The following SUPT20H variants were observed in gnomAD, a reference collection of about 807,000 sequenced individuals.
SUPT20H encodes the protein SPT20 homolog, SAGA complex component.
A neutral mutation model predicts 122.8 loss-of-function variants in SUPT20H; 82 were observed. The observed-to-expected ratio is 0.67, with a 90% CI of 0.56 to 0.80. The LOEUF (loss-of-function observed/expected upper bound fraction) is 0.80. Among genes scored for constraint, SUPT20H ranks in the 30% least tolerant of loss-of-function variants. The pLI is 0.00. For missense variants in SUPT20H, 831 were observed against 921.6 expected, an observed-to-expected ratio of 0.90 and a Z score of 1.27; for synonymous variants, 291 against 313.0, an observed-to-expected ratio of 0.93 and a Z score of 0.74.
intron 21 of SUPT20H, among the ~76,000 whole-genome samples, chr13:37,019,830 T>C (rs1231475733): frequency 1.3e-5 from 2 of 152,156 alleles, no homozygotes; most frequent in African/African-American, 4.8e-5. Context: ...TTATGCTATT[T>C]TTTTTTAACT....
At chr13:37,040,509 G>T in intron 8 of SUPT20H, 51 bp from the exon 9 acceptor site, 1 of 1,584,212 alleles carries the variant, frequency 6.3e-7, no homozygotes, top group African/African-American at 1.4e-5. Flanking sequence ...ACAAACATAT[G>T]AAGAATTCGA....
intron 19 of SUPT20H, among the ~76,000 whole-genome samples, chr13:37,023,348 A>T (rs934224073): frequency 2.6e-5 from 4 of 152,156 alleles, no homozygotes; most frequent in African/African-American, 9.6e-5. Context: ...AACTGGAATG[A>T]CTTTTTTCCC....
chr13:37,036,564 C>A (rs1327518603), intron 9 of SUPT20H, among the ~76,000 whole-genome samples: 1 of 152,086 alleles, frequency 6.6e-6, no homozygotes, highest in African/African-American at 2.4e-5. Context: ...TCATGATCCA[C>A]CCGCCTCAGC....
intron 24 of SUPT20H, 35 bp from the exon 25 acceptor site, chr13:37,010,690 A>G (rs765715643): frequency 1.3e-6 from 2 of 1,542,332 alleles, no homozygotes; most frequent in African/African-American, 2.7e-5. Flanking sequence ...AGGCCAGTCA[A>G]AAAGTTTGAA....
chr13:37,014,562 A>G (rs1454818362), intron 23 of SUPT20H, among the ~76,000 whole-genome samples: 1 of 152,198 alleles, frequency 6.6e-6, no homozygotes, highest in East Asian at 1.9e-4. Context: ...TCAACTGCAG[A>G]AAGATATTTG....
chr13:37,017,163 A>T, intron 23 of SUPT20H, 82 bp downstream of exon 23: 1 of 1,586,388 alleles, frequency 6.3e-7, no homozygotes. Flanking sequence ...ACACTAACAA[A>T]GCAAATGAAG....
chr13:37,057,190 TAGGCTGAGGCAGG>T (rs2069281064), intron 1 of SUPT20H: 1 of 151,588 alleles, frequency 6.6e-6, no homozygotes, highest in African/African-American at 2.4e-5. Flanking sequence ...AGCTACTCGG[TAGGCTGAGGCAGG>T]AGGATCACTT....
At chr13:37,028,380 T>A in intron 13 of SUPT20H, 75 bp from the exon 14 acceptor site, 1 of 1,341,600 alleles carries the variant, frequency 7.5e-7, no homozygotes, top group East Asian at 2.4e-5. Context: ...AAATCAGGAA[T>A]AAATGATACA....
At chr13:37,034,816 T>C (rs1457566069) in intron 9 of SUPT20H, among the ~76,000 whole-genome samples, 1 of 152,246 alleles carries the variant, frequency 6.6e-6, no homozygotes, top group Non-Finnish European at 1.5e-5. Flanking sequence ...TTAATGCAGC[T>C]GATGACTTGA....
chr13:37,009,815 A>G lies in SUPT20H; in HGVS notation c.2203-6T>C, dbSNP rs191078501. 6.2e-6 allele frequency: 10 copies of G among 1,605,724 alleles called. No individual in the cohort carries two copies. In the Admixed American group the frequency reaches 1.4e-4, roughly 22 times the overall value. The stretch of plus-strand genomic sequence containing the variant: ...TGCTGCAAGAATCGCAACTGCTGCA[A>G]AAGGGAGGGAAAAAAATCGAGTTAT... On this transcript the variant is annotated splice_polypyrimidine_tract_variant and splice_region_variant and intron_variant, in intron 25 of 25. Coordinates refer to ENST00000350612, the MANE Select transcript of SUPT20H (RefSeq NM_001014286.3).
chr13:37,028,910 T>C (rs529770417), intron 13 of SUPT20H, among the ~76,000 whole-genome samples: 4 of 151,050 alleles, frequency 2.6e-5, no homozygotes, highest in East Asian at 1.9e-4. Flanking sequence ...AAGCTTAATA[T>C]GGCAGAATTT....
At chr13:37,052,755 A>G (rs571675259) in intron 1 of SUPT20H, among the ~76,000 whole-genome samples, 20 of 152,232 alleles carry the variant, frequency 1.3e-4, no homozygotes, top group Admixed American at 3.9e-4. Context: ...AACCTACAGA[A>G]TGGGCGATAA....
At chr13:37,054,706 C>A (rs567831926) in intron 1 of SUPT20H, among the ~76,000 whole-genome samples, 42 of 152,232 alleles carry the variant, frequency 2.8e-4, no homozygotes, top group African/African-American at 1.0e-3. Context: ...AAAACTGGCA[C>A]AAGACAGGGA....
Position 37,021,586 on chromosome 13 carries a change from T to G in SUPT20H, c.1678A>C (p.Met560Leu). The part of the protein sequence containing the change: ...VGSVCGAQAL[M>L]SGSNPMLGCN... The stretch of plus-strand genomic sequence containing the variant: ...CCCAGCATGGGGTTTGAACCACTCA[T>G]CAAAGCCTGGGCCCCACTGCAGGAG... Residue 560 changes from methionine (M) to leucine (L), a missense_variant, in exon 21 of 26, where the codon ATG becomes CTG. Met to Leu is a conservative substitution (Grantham distance 15). Transcript: ENST00000350612. The G allele has an allele frequency of 6.2e-7, 1 of 1,613,030 alleles. No homozygotes were observed. The highest frequency in any genetic ancestry group is 1.1e-5 in the South Asian group (1 of 90,974).
chr13:37,019,278 T>C, intron 22 of SUPT20H, 64 bp downstream of exon 22: 1 of 1,259,432 alleles, frequency 7.9e-7, no homozygotes, highest in Non-Finnish European at 1.1e-6. Flanking sequence ...CATATAGATA[T>C]ACATTGTTTA....
chr13:37,009,829 A>G lies in SUPT20H; in HGVS notation c.2203-20T>C, dbSNP rs1490331109. ...CAACTGCTGCAAAAGGGAGGGAAAA[A>G]AATCGAGTTATGTTAAATGCAGGCA... On this transcript the variant is annotated intron_variant, in intron 25 of 25. Coordinates refer to ENST00000350612, the MANE Select transcript of SUPT20H (RefSeq NM_001014286.3). 1 of 1,602,846 alleles carries G rather than the reference A, an allele frequency of 6.2e-7. No homozygotes were observed. The highest frequency in any genetic ancestry group is 1.1e-5 in the South Asian group (1 of 88,876).
At chr13:37,058,412 C>G (rs2069726741) in intron 1 of SUPT20H, among the ~76,000 whole-genome samples, 1 of 152,092 alleles carries the variant, frequency 6.6e-6, no homozygotes, top group African/African-American at 2.4e-5. Flanking sequence ...TTTAGGTGAA[C>G]GTGAAAATTT....
intron 9 of SUPT20H, among the ~76,000 whole-genome samples, chr13:37,034,503 G>A (rs1490776915): frequency 1.3e-5 from 2 of 152,202 alleles, no homozygotes; most frequent in East Asian, 1.9e-4. Context: ...TGTGAGAGAC[G>A]TGAGGAAGCT....
rs545447060 is a variant in SUPT20H at position 37,027,498 on chromosome 13, T to A, written c.1151+650A>T. Among the ~76,000 whole-genome samples the A allele has an allele frequency of 6.6e-5, 10 of 152,216 alleles. No individual in the cohort carries two copies. The South Asian group carries it at 2.1e-3, about 32-fold the overall frequency. ...TTTCTACTGTAGTTTCAATTAGTAT[T>A]TTGTGTAAGTAAAGGCTTTACAATT... is the stretch of plus-strand genomic sequence containing the variant. On this transcript the variant is annotated intron_variant, in intron 14 of 25. Transcript: ENST00000350612.
Sources: gnomAD v4.1 joint callset for allele counts (sites outside exome capture counted in the v4.1 genomes callset) on GRCh38, gnomAD v4.1.1 for gene constraint, MANE v1.5 for transcripts, NCBI Gene and HGNC (gene_info 2026-07-23, HGNC 2026-07-21) for gene names.